The following ITFG2 variants were observed in gnomAD, a reference collection of about 807,000 sequenced individuals.
The protein encoded by ITFG2 is KICSTOR complex protein ITFG2.
In ITFG2, 36 loss-of-function variants were observed where a neutral mutation model predicts 54.4. The ratio of observed to expected loss-of-function variants is 0.66; its 90% CI spans 0.51 to 0.87. The LOEUF is 0.87. ITFG2 is among the 40% of genes least tolerant of loss of function. The pLI is 0.00. For missense variants in ITFG2, 524 were observed against 576.7 expected (o/e 0.91, Z 0.94); for synonymous variants, 211 against 225.4 (o/e 0.94, Z 0.57).
downstream of ITFG2, among the ~76,000 whole-genome samples, chr12:2,831,208 T>G (rs1280396353): frequency 6.8e-6 from 1 of 146,210 alleles, no homozygotes; most frequent in African/African-American, 2.6e-5. Flanking sequence ...ACTAGGAGGG[T>G]TTTTTTTTTC....
intron 2 of ITFG2, chr12:2,855,467 G>A (rs1205738791): frequency 2.1e-6 from 3 of 1,406,302 alleles, no homozygotes; most frequent in African/African-American, 1.4e-5. Flanking sequence ...ACAAAAGGGA[G>A]CCTGGGGAAG....
upstream of ITFG2, chr12:2,834,770 GTGCCTCC>G: frequency 6.2e-7 from 1 of 1,613,850 alleles, no homozygotes; most frequent in Non-Finnish European, 8.5e-7. Flanking sequence ...TCTCGAAGCT[GTGCCTCC>G]TGCCCCCTCG....
intron 4 of ITFG2, among the ~76,000 whole-genome samples, chr12:2,819,109 C>T (rs1236041498): frequency 6.6e-6 from 1 of 151,342 alleles, no homozygotes; most frequent in African/African-American, 2.4e-5. Context: ...CAGGCGGATC[C>T]CTTAAGCTCA....
Position 2,859,416 on chromosome 12 carries a change from G to A in ITFG2, n.621-118G>A, listed in dbSNP as rs149215740. ...GGGTCTTGGGGTGGGAGATTGGGAC[G>A]AATCCTCCCAGGAGTGAGATGATTC... On this transcript the variant is annotated intron_variant and non_coding_transcript_variant, in intron 3 of 3. Coordinates refer to the ITFG2 transcript ENST00000537710. 3.2e-4 allele frequency: 524 copies of A among 1,613,968 alleles called. No homozygotes were observed. In the African/African-American group the frequency reaches 4.9e-3, roughly 15 times the overall value.
At chr12:2,830,058 CAG>C (rs973051746), downstream of ITFG2, among the ~76,000 whole-genome samples, 6 of 151,832 alleles carry the variant, frequency 4.0e-5, no homozygotes, top group African/African-American at 1.5e-4. Flanking sequence ...GCCTGGGTGA[CAG>C]AGCGAGACTC....
At chr12:2,830,245 A>G (rs11613945) in intron 2 of ITFG2, 23,144 of 152,712 alleles carry the variant, frequency 0.15, 1,889 homozygotes, top group South Asian at 0.33. Flanking sequence ...TTGGAGAGCA[A>G]GAAGAGCAAT....
chr12:2,830,203 G>A (rs539872002), intron 2 of ITFG2: 1 of 152,490 alleles, frequency 6.6e-6, no homozygotes, highest in South Asian at 2.1e-4. Context: ...TCTGAGCTGG[G>A]CTTTTGCTTG....
chr12:2,830,920 C>T (rs752088593), downstream of ITFG2: 18 of 1,567,092 alleles, frequency 1.1e-5, no homozygotes, highest in Non-Finnish European at 1.5e-5. Context: ...CCAGGCTGCT[C>T]AGTTACCCCA....
exon 4 of ITFG2, chr12:2,859,540 TTTC>T (rs865864039): frequency 3.0e-5 from 49 of 1,613,964 alleles, no homozygotes; most frequent in Non-Finnish European, 3.9e-5. Context: ...CCAGGCTGGA[TTTC>T]TTCCTCCTTG....
At chr12:2,835,144 C>A, upstream of ITFG2, 3 of 1,372,024 alleles carry the variant, frequency 2.2e-6, no homozygotes, top group Non-Finnish European at 2.8e-6. Flanking sequence ...TCAGAGCGGG[C>A]GGTGGATGGG....
exon 3 of ITFG2, chr12:2,858,156 C>T (rs1565457516): frequency 6.5e-6 from 1 of 154,900 alleles, no homozygotes; most frequent in South Asian, 2.0e-4. Context: ...GCAGGTCTTC[C>T]CTTCTATCAA....
intron 1 of ITFG2, 166 bp downstream of exon 1, chr12:2,813,022 TG>T (rs1452465822): frequency 1.6e-5 from 9 of 558,108 alleles, no homozygotes; most frequent in Non-Finnish European, 2.9e-5. Context: ...TGTTCGTGGT[TG>T]GTTTTGTTCC....
intron 1 of ITFG2, among the ~76,000 whole-genome samples, chr12:2,814,925 GAT>G (rs1326196539): frequency 6.6e-6 from 1 of 151,898 alleles, no homozygotes; most frequent in African/African-American, 2.4e-5. Context: ...TCTGTGATCT[GAT>G]ATTCTCACCA....
chr12:2,834,329 T>C (rs1458442512), upstream of ITFG2, among the ~76,000 whole-genome samples: 1 of 152,150 alleles, frequency 6.6e-6, no homozygotes, highest in Non-Finnish European at 1.5e-5. Flanking sequence ...AAGTGACCAC[T>C]CTAGAGGGTT....
intron 1 of ITFG2, among the ~76,000 whole-genome samples, chr12:2,814,331 T>G (rs1362856796): frequency 2.6e-5 from 4 of 152,234 alleles, no homozygotes; most frequent in African/African-American, 4.8e-5. Context: ...TTAAAAGCAT[T>G]CCCTTTTTTT....
At chr12:2,850,262 T>C (rs1603488602) in intron 2 of ITFG2, among the ~76,000 whole-genome samples, 1 of 151,760 alleles carries the variant, frequency 6.6e-6, no homozygotes, top group South Asian at 2.1e-4. Flanking sequence ...GATCACAAGG[T>C]CAAGAGTTCG....
In ITFG2 at chr12:2,857,285, G is replaced by T. The variant is rs1035940428; in HGVS notation, n.301-727G>T. On this transcript the variant is annotated intron_variant and non_coding_transcript_variant, in intron 2 of 3. Transcript: ENST00000537710. ...TGCTGCCGGGCAGAAGAAAAGCAGG[G>T]CAGGCTGGCTCCCAGGCCTCAGGGT... 5.6e-6 allele frequency: 3 copies of T among 531,050 alleles called. No homozygotes were observed. The East Asian group carries it at 9.9e-5, about 17-fold the overall frequency. 32.9% of individuals were successfully genotyped at this position (531,050 alleles called of 1,614,324 possible). A position where few individuals can be genotyped will look rare whatever the true frequency, so the allele number is the denominator to read the frequency against.
chr12:2,841,188 G>T (rs116151886), intron 2 of ITFG2, among the ~76,000 whole-genome samples: 4,614 of 152,302 alleles, frequency 0.03, 217 homozygotes, highest in African/African-American at 0.11. Context: ...GGGTTAACTT[G>T]TCTATACCAC....
intron 2 of ITFG2, among the ~76,000 whole-genome samples, chr12:2,846,170 G>A (rs1371853905): frequency 6.6e-6 from 1 of 152,218 alleles, no homozygotes; most frequent in Non-Finnish European, 1.5e-5. Context: ...AGCAGAGGCT[G>A]TTCCGGAGAG....
Sources: allele counts gnomAD v4.1 joint callset (sites outside exome capture counted in the v4.1 genomes callset), GRCh38; gene constraint gnomAD v4.1.1; transcripts MANE v1.5; gene names NCBI Gene and HGNC (gene_info 2026-07-23, HGNC 2026-07-21).